FRMPD4: variants seen among roughly 807,000 people sequenced by gnomAD.
The protein encoded by FRMPD4 is FERM and PDZ domain containing 4, also known as FERM and PDZ domain-containing protein 4.
A neutral mutation model predicts 94.1 loss-of-function variants in FRMPD4; 22 were observed. That is an observed-to-expected ratio of 0.23 (90% confidence interval 0.17 to 0.33). FRMPD4 has a LOEUF of 0.33. Among genes scored for constraint, FRMPD4 ranks in the 10% least tolerant of loss-of-function variants. The probability of loss-of-function intolerance (pLI) is 1.00; values close to 1 mark genes in which losing one functional copy is unlikely to be tolerated. For synonymous variants in FRMPD4, 631 were observed against 548.6 expected, an observed-to-expected ratio of 1.15 and a Z score of -2.10; for missense variants, 1,111 against 1,339.9, an observed-to-expected ratio of 0.83 and a Z score of 2.67.
chrX:12,700,557 A>G (rs2060178403), intron 9 of FRMPD4, among the ~76,000 whole-genome samples: 1 of 112,054 alleles, frequency 8.9e-6, no homozygotes, highest in Non-Finnish European at 1.9e-5. Context: ...GATCCCCACA[A>G]CAAACCCTGT....
rs201903636 is a variant in FRMPD4, at chrX:12,707,623, G to A, written c.1442G>A (p.Arg481Gln). The stretch of plus-strand genomic sequence containing the variant: ...TTTTCCGAGGAGGAGAGCTTGGTGC[G>A]GGTAGAACTCCACGTGCTAGATGTG... ...EMFSEEESLV[R>Q]VELHVLDVKP... Residue 481 changes from arginine (R) to glutamine (Q), a missense_variant, in exon 13 of 17, where the codon CGG (arginine) becomes CAG (glutamine). Transcript: ENST00000675598. 203 of 1,206,120 alleles carry A rather than the reference G, an allele frequency of 1.7e-4. 1 individual carries two copies. The highest frequency in any genetic ancestry group is 6.6e-5 in the Admixed American group (3 of 45,203).
intron 3 of FRMPD4, among the ~76,000 whole-genome samples, chrX:12,030,769 T>C (rs1031030092): frequency 1.2e-4 from 13 of 111,734 alleles, no homozygotes; most frequent in Non-Finnish European, 2.3e-4. Flanking sequence ...GACAGAATAT[T>C]AGCTAAAACA....
At position 12,710,382 on chromosome X, in the gene FRMPD4, T is replaced by C. The variant is rs769411391; in HGVS notation, c.1471-17T>C. ...TAAGAATGGATGGCTTTAACCAAAG[T>C]GTTCTCTTTTGTGTAGCCTATCACG... On this transcript the variant is annotated splice_polypyrimidine_tract_variant and intron_variant, in intron 13 of 16. Coordinates refer to ENST00000675598, the MANE Select transcript of FRMPD4 (RefSeq NM_001368397.1). 9 of 1,183,240 alleles carry C rather than the reference T, an allele frequency of 7.6e-6. No individual in the cohort carries two copies. Among genetic ancestry groups the C allele is most frequent in the Non-Finnish European group, 1.0e-5 (9 of 874,262 alleles).
At chrX:11,837,329 A>G (rs2053506652) in intron 1 of FRMPD4, among the ~76,000 whole-genome samples, 1 of 111,829 alleles carries the variant, frequency 8.9e-6, no homozygotes, top group Non-Finnish European at 1.9e-5. Context: ...TCTTTAAGAT[A>G]GGAGTCTTAA....
intron 3 of FRMPD4, among the ~76,000 whole-genome samples, chrX:11,991,669 TCTTTG>T (rs1468176673): frequency 8.9e-6 from 1 of 112,232 alleles, no homozygotes; most frequent in African/African-American, 3.2e-5. Context: ...AAATATTTCT[TCTTTG>T]CTTTGAGCAG....
At chrX:12,035,571 A>C (rs1284131262) in intron 3 of FRMPD4, among the ~76,000 whole-genome samples, 2 of 112,123 alleles carry the variant, frequency 1.8e-5, no homozygotes, top group African/African-American at 6.5e-5. Flanking sequence ...ATGGAACTAA[A>C]TCATTGGAGC....
At chrX:11,879,036 G>A (rs184935007) in intron 3 of FRMPD4, among the ~76,000 whole-genome samples, 4 of 111,911 alleles carry the variant, frequency 3.6e-5, no homozygotes, top group African/African-American at 1.3e-4. Flanking sequence ...TTACTTGGTG[G>A]CACTATTTGT....
rs1000609985 is a variant in FRMPD4, at chrX:12,720,734, G to T, written c.4165G>T (p.Gly1389Trp). ...GAGCTGGCGGCCACCGGATCTGAGA[G>T]GGGGGAGCCTCAGGACACCTCCCAG... ...AVSWRPPDLR[G>W]GSLRTPPSQK... Residue 1389 changes from glycine (G) to tryptophan (W), a missense_variant, in exon 17 of 17, where the codon GGG becomes TGG. Transcript: ENST00000675598. 2.8e-6 allele frequency: 3 copies of T among 1,061,200 alleles called. No individual in the cohort carries two copies. Among genetic ancestry groups the T allele is most frequent in the African/African-American group, 1.9e-5 (1 of 52,052 alleles). 87.5% of individuals were successfully genotyped at this position (1,061,200 alleles called of 1,213,427 possible). A position where few individuals can be genotyped will look rare whatever the true frequency, so the allele number is the denominator to read the frequency against.
At chrX:12,153,298 G>A (rs961433679) in intron 1 of FRMPD4, among the ~76,000 whole-genome samples, 6 of 111,960 alleles carry the variant, frequency 5.4e-5, no homozygotes, top group Non-Finnish European at 1.1e-4. Context: ...ACCCTCTGAT[G>A]ATCTTCTGTT....
At chrX:12,166,521 T>C (rs2056121641) in intron 1 of FRMPD4, among the ~76,000 whole-genome samples, 1 of 111,502 alleles carries the variant, frequency 9.0e-6, no homozygotes, top group Admixed American at 9.5e-5. Flanking sequence ...TCTTTTTTTG[T>C]TGTGTCTCTG....
At chrX:11,897,184 C>A (rs1012829746) in intron 3 of FRMPD4, among the ~76,000 whole-genome samples, 1 of 107,983 alleles carries the variant, frequency 9.3e-6, no homozygotes, top group African/African-American at 3.4e-5. Flanking sequence ...AAAAAGCATG[C>A]TGAGCAAAAC....
At chrX:12,417,995 A>AAG (rs2056829534) in intron 1 of FRMPD4, among the ~76,000 whole-genome samples, 1 of 104,693 alleles carries the variant, frequency 9.6e-6, no homozygotes, top group African/African-American at 3.4e-5. Context: ...CTCTGTCTCA[A>AAG]AAAAAAAAAA....
At chrX:12,396,199 C>G (rs1294658476) in intron 1 of FRMPD4, 1 of 111,701 alleles carries the variant, frequency 9.0e-6, no homozygotes, top group Non-Finnish European at 1.9e-5. Flanking sequence ...AGGGGAAGAG[C>G]AAGAATGAAA....
intron 2 of FRMPD4, among the ~76,000 whole-genome samples, chrX:12,537,002 C>G (rs2058346076): frequency 9.0e-6 from 1 of 111,536 alleles, no homozygotes. Flanking sequence ...TTTATATCCC[C>G]TTAAATTTTA....
intron 3 of FRMPD4, among the ~76,000 whole-genome samples, chrX:11,882,153 C>T (rs955025012): frequency 3.6e-5 from 4 of 111,279 alleles, no homozygotes; most frequent in African/African-American, 9.8e-5. Flanking sequence ...CATTGCCTGG[C>T]GGACTGGGAG....
At chrX:12,603,768 G>T (rs1037092774) in intron 2 of FRMPD4, among the ~76,000 whole-genome samples, 4 of 109,510 alleles carry the variant, frequency 3.7e-5, no homozygotes, top group Non-Finnish European at 7.6e-5. Context: ...AAAAAATGTT[G>T]CTTTTTCAGC....
chrX:12,182,823 C>T (rs1379788698), intron 1 of FRMPD4, among the ~76,000 whole-genome samples: 2 of 111,357 alleles, frequency 1.8e-5, no homozygotes, highest in East Asian at 2.8e-4. Flanking sequence ...TTTTTACCGA[C>T]AAATCTGACA....
intron 3 of FRMPD4, among the ~76,000 whole-genome samples, chrX:12,025,661 C>T (rs2054656115): frequency 8.9e-6 from 1 of 112,128 alleles, no homozygotes; most frequent in African/African-American, 3.2e-5. Context: ...CTTGTTCACT[C>T]TGAGGAACCC....
chrX:12,589,165 T>C (rs2058959753), intron 2 of FRMPD4, among the ~76,000 whole-genome samples: 1 of 112,407 alleles, frequency 8.9e-6, no homozygotes, highest in South Asian at 3.7e-4. Flanking sequence ...ATTTGAGTCT[T>C]AGAGCCTTTG....
Sources: allele counts gnomAD v4.1 joint callset (sites outside exome capture counted in the v4.1 genomes callset), GRCh38; gene constraint gnomAD v4.1.1; transcripts MANE v1.5; gene names NCBI Gene and HGNC (gene_info 2026-07-23, HGNC 2026-07-21).